Variants in RDH13 observed in about 807,000 individuals in gnomAD.
RDH13 encodes retinol dehydrogenase 13, also known as retinol dehydrogenase 13 (all-trans and 9-cis).
A neutral mutation model predicts 28.3 loss-of-function variants in RDH13; 35 were observed. That is an observed-to-expected ratio of 1.24 (90% CI 0.95 to 1.64). The LOEUF is 1.64. Ranked by LOEUF, RDH13 falls within the 40% of genes most tolerant of loss-of-function variation. RDH13 has a pLI of 0.00. For synonymous variants in RDH13, 229 were observed against 198.5 expected (o/e 1.15, Z -1.29); for missense variants, 514 against 446.3 (o/e 1.15, Z -1.37).
chr19:55,045,272 C>T lies in RDH13; in HGVS notation c.798G>A (p.Leu266=), dbSNP rs920131951. 7 of 1,612,926 alleles carry T rather than the reference C, an allele frequency of 4.3e-6. No homozygotes were observed. The highest frequency in any genetic ancestry group is 5.1e-6 in the Non-Finnish European group (6 of 1,179,940). ...CCAGGTATGTGCTGGGCTGGGCGGC[C>T]AGCTCGGGGCTCTTGACCAGCAGCC... The part of the protein sequence containing the change: ...IFWLLVKSPE[L]AAQPSTYLAV... The change falls in exon 7 of 7, where the codon CTG becomes CTA. Residue 266 remains leucine (L), a synonymous_variant. Coordinates refer to ENST00000415061, the MANE Select transcript of RDH13 (RefSeq NM_001145971.2).
Position 55,060,282 on chromosome 19 carries a change from T to A in RDH13, c.66-1007A>T, listed in dbSNP as rs1222445106. On this transcript the variant is annotated intron_variant, in intron 1 of 6. Coordinates refer to ENST00000415061, the MANE Select transcript of RDH13 (RefSeq NM_001145971.2). ...CTGAGACAGGAGAAAAGCCGCCCTA[T>A]GGCGGGAGGCGAGACATGTTTACAG... Among the ~76,000 whole-genome samples, 8 of 151,814 alleles carry A rather than the reference T, an allele frequency of 5.3e-5. No individual in the cohort carries two copies. The South Asian group carries it at 1.7e-3, about 31-fold the overall frequency.
chr19:55,066,427 CCT>C (rs1012717447), upstream of RDH13, among the ~76,000 whole-genome samples: 3 of 145,078 alleles, frequency 2.1e-5, no homozygotes, highest in Non-Finnish European at 3.0e-5. Context: ...TTCCTCTCTC[CCT>C]CTCTGTCTTC....
chr19:55,043,437 A>G (rs992026636), downstream of RDH13, among the ~76,000 whole-genome samples: 1 of 152,062 alleles, frequency 6.6e-6, no homozygotes, highest in African/African-American at 2.4e-5. Context: ...TAATCCCAGC[A>G]CTTTGGGAGG....
intron 1 of RDH13, among the ~76,000 whole-genome samples, 195 bp from the exon 2 acceptor site, chr19:55,059,470 C>T (rs1476608655): frequency 2.0e-5 from 3 of 152,170 alleles, no homozygotes; most frequent in African/African-American, 4.8e-5. Context: ...GCGTGTGGAA[C>T]GCCTTCAGCA....
At chr19:55,063,812 C>G (rs1485395277), upstream of RDH13, 3 of 152,698 alleles carry the variant, frequency 2.0e-5, no homozygotes, top group Non-Finnish European at 2.9e-5. Flanking sequence ...TCCCTGAACT[C>G]TGCCTGAACT....
At chr19:55,051,738 T>C (rs2075445081) in intron 3 of RDH13, among the ~76,000 whole-genome samples, 1 of 151,216 alleles carries the variant, frequency 6.6e-6, no homozygotes, top group Non-Finnish European at 1.5e-5. Flanking sequence ...TGTTTTTTTT[T>C]TTTTCTTTTT....
At chr19:55,048,873 G>A (rs148340807) in intron 3 of RDH13, 110 bp from the exon 4 acceptor site, 770 of 968,204 alleles carry the variant, frequency 8.0e-4, no homozygotes, top group Middle Eastern at 2.3e-3. Flanking sequence ...GGCCTGTGCC[G>A]GAAACAGGGT....
downstream of RDH13, chr19:55,041,120 C>T (rs1298091990): frequency 6.6e-6 from 1 of 152,190 alleles, no homozygotes; most frequent in Non-Finnish European, 1.5e-5. Flanking sequence ...GAGTGAAACT[C>T]CATCTAAAAT....
At chr19:55,049,355 TACAAGCAACC>T (rs1390062170) in intron 3 of RDH13, among the ~76,000 whole-genome samples, 2 of 152,206 alleles carry the variant, frequency 1.3e-5, no homozygotes, top group East Asian at 3.9e-4. Context: ...ACCTCACTCA[TACAAGCAACC>T]AAAGGACACA....
At chr19:55,041,579 A>G (rs915130191), downstream of RDH13, 4 of 152,252 alleles carry the variant, frequency 2.6e-5, no homozygotes, top group African/African-American at 9.6e-5. Flanking sequence ...GGAGGCTCCA[A>G]GCCAGGGTTG....
chr19:55,048,093 G>T, intron 5 of RDH13: 1 of 1,507,246 alleles, frequency 6.6e-7, no homozygotes, highest in Non-Finnish European at 8.9e-7. Flanking sequence ...CAGCAGGGAA[G>T]GACATCTGAT....
rs759122702 is a variant in RDH13, at chr19:55,045,121, C to G, written c.949G>C (p.Val317Leu). The stretch of plus-strand genomic sequence containing the variant: ...CTCACAGAGGGAGCCTCTAAGCCCA[C>G]CAGGCGGGCACTTTCAGCCCAAAGC... Reference protein sequence around the residue: ...RRLWAESARLVGLEAPSVREQ... With the variant: ...RRLWAESARLLGLEAPSVREQ... The change falls in exon 7 of 7, where the codon GTG becomes CTG. Residue 317 changes from valine to leucine, a missense_variant. Coordinates refer to ENST00000415061, the MANE Select transcript of RDH13 (RefSeq NM_001145971.2). The G allele has an allele frequency of 6.2e-7, 1 of 1,613,374 alleles. No homozygotes were observed. Among genetic ancestry groups the G allele is most frequent in the Non-Finnish European group, 8.5e-7 (1 of 1,179,910 alleles).
At chr19:55,053,973 G>A (rs2075548900) in intron 3 of RDH13, 1 of 152,184 alleles carries the variant, frequency 6.6e-6, no homozygotes, top group African/African-American at 2.4e-5. Context: ...ACTGTTCTTT[G>A]TGATCTCACC....
chr19:55,067,905 A>T (rs2075988107), upstream of RDH13, among the ~76,000 whole-genome samples: 1 of 134,204 alleles, frequency 7.5e-6, no homozygotes, highest in South Asian at 2.5e-4. Context: ...TCTCCCCCTC[A>T]TCTGTGTCTT....
intron 3 of RDH13, among the ~76,000 whole-genome samples, chr19:55,053,123 A>C (rs1157472852): frequency 6.7e-6 from 1 of 149,316 alleles, no homozygotes; most frequent in East Asian, 2.0e-4. Flanking sequence ...CAGCTTTGTC[A>C]GAGTGTCATC....
chr19:55,043,360 C>T (rs1372165356), downstream of RDH13: 1 of 152,208 alleles, frequency 6.6e-6, no homozygotes, highest in Non-Finnish European at 1.5e-5. Flanking sequence ...GCACTCCAGC[C>T]TTGGCAACAC....
intron 3 of RDH13, among the ~76,000 whole-genome samples, chr19:55,055,690 C>T (rs1018957937): frequency 1.3e-5 from 2 of 148,516 alleles, no homozygotes; most frequent in African/African-American, 5.0e-5. Context: ...CAAAACAAAA[C>T]AATAAAACAA....
intron 3 of RDH13, among the ~76,000 whole-genome samples, chr19:55,054,232 A>AC (rs777517745): frequency 3.4e-4 from 52 of 152,232 alleles, no homozygotes; most frequent in Non-Finnish European, 6.9e-4. Context: ...TTTCCTGAGT[A>AC]CCCGTTTACT....
At chr19:55,066,427 CCTCTCT>C (rs2075959230), upstream of RDH13, among the ~76,000 whole-genome samples, 1 of 145,078 alleles carries the variant, frequency 6.9e-6, no homozygotes, top group Admixed American at 7.0e-5. Context: ...TTCCTCTCTC[CCTCTCT>C]GTCTTCTCTC....
Sources: gnomAD v4.1 joint callset for allele counts (sites outside exome capture counted in the v4.1 genomes callset) on GRCh38, gnomAD v4.1.1 for gene constraint, MANE v1.5 for transcripts, NCBI Gene and HGNC (gene_info 2026-07-23, HGNC 2026-07-21) for gene names.